Variants in N4BP2 observed in about 807,000 individuals in gnomAD.
N4BP2 encodes the protein NEDD4 binding protein 2, also known as NEDD4-binding protein 2.
A neutral mutation model predicts 152.8 loss-of-function variants in N4BP2; 91 were observed. The observed-to-expected ratio is 0.60, with a 90% CI of 0.50 to 0.71. The LOEUF (loss-of-function observed/expected upper bound fraction) is 0.71, where lower values mean the gene tolerates loss of function less well. Among genes scored for constraint, N4BP2 ranks in the 30% least tolerant of loss-of-function variants. N4BP2 has a pLI of 0.00. For synonymous variants in N4BP2, 646 were observed against 705.3 expected (o/e 0.92, Z 1.33); for missense variants, 1,923 against 2,059.1 (o/e 0.93, Z 1.28).
At chr4:40,080,917 C>T (rs1713301543) in intron 2 of N4BP2, among the ~76,000 whole-genome samples, 1 of 151,508 alleles carries the variant, frequency 6.6e-6, no homozygotes, top group South Asian at 2.1e-4. Flanking sequence ...CCGCCCACCT[C>T]AGCCTCCCAA....
At chr4:40,084,075 T>C (rs534001818) in intron 2 of N4BP2, among the ~76,000 whole-genome samples, 156 of 152,274 alleles carry the variant, frequency 1.0e-3, no homozygotes, top group Non-Finnish European at 1.9e-3. Flanking sequence ...CTCAGCCTCC[T>C]GAGTAGCTGG....
chr4:40,168,267 C>T, the N4BP2 span, among the ~76,000 whole-genome samples: 1 of 152,048 alleles, frequency 6.6e-6, no homozygotes. Flanking sequence ...CCCAATTTTC[C>T]TATCAACAGA....
the N4BP2 span, among the ~76,000 whole-genome samples, chr4:40,179,242 C>T: frequency 9.2e-5 from 14 of 152,040 alleles, no homozygotes; most frequent in Middle Eastern, 3.4e-3. Context: ...TGGTGGCTGA[C>T]GCCTGTAGTC....
At chr4:40,058,483 G>A (rs1733398095) in intron 1 of N4BP2, among the ~76,000 whole-genome samples, 1 of 152,148 alleles carries the variant, frequency 6.6e-6, no homozygotes, top group African/African-American at 2.4e-5. Context: ...GGAAATAAAT[G>A]GCTGCTCTTT....
At chr4:40,101,889 T>C (rs1012618824) in intron 3 of N4BP2, among the ~76,000 whole-genome samples, 186 bp from the exon 4 acceptor site, 5 of 151,696 alleles carry the variant, frequency 3.3e-5, no homozygotes, top group Middle Eastern at 3.2e-3. Flanking sequence ...CATTCAGACT[T>C]TTTGCTACTA....
At chr4:40,098,660 G>GAAA (rs1715321301) in intron 3 of N4BP2, among the ~76,000 whole-genome samples, 1 of 152,184 alleles carries the variant, frequency 6.6e-6, no homozygotes, top group African/African-American at 2.4e-5. Flanking sequence ...GTTGTCAGCA[G>GAAA]TGCATGATGC....
At chr4:40,151,925 C>T (rs899915963) in intron 16 of N4BP2, among the ~76,000 whole-genome samples, 2 of 151,648 alleles carry the variant, frequency 1.3e-5, no homozygotes, top group African/African-American at 2.4e-5. Context: ...ATAAGCAGAC[C>T]GTGGAATGTT....
downstream of N4BP2, among the ~76,000 whole-genome samples, chr4:40,160,561 G>A (rs553961716): frequency 6.6e-6 from 1 of 152,294 alleles, no homozygotes; most frequent in African/African-American, 2.4e-5. Flanking sequence ...GTAGCTTAGG[G>A]GTATTGGATG....
chr4:40,116,587 C>T (rs1380336429), intron 7 of N4BP2, among the ~76,000 whole-genome samples: 1 of 152,130 alleles, frequency 6.6e-6, no homozygotes, highest in Non-Finnish European at 1.5e-5. Context: ...CTGACACTTG[C>T]CTCCCTCTCA....
intron 4 of N4BP2, among the ~76,000 whole-genome samples, chr4:40,106,064 T>C (rs1018221344): frequency 1.3e-5 from 2 of 152,166 alleles, no homozygotes; most frequent in Non-Finnish European, 2.9e-5. Flanking sequence ...TGGCACTTAA[T>C]AGATGCTACA....
At chr4:40,184,278 C>T in the N4BP2 span, among the ~76,000 whole-genome samples, 2 of 151,820 alleles carry the variant, frequency 1.3e-5, no homozygotes, top group Admixed American at 6.6e-5. Flanking sequence ...GCTGCACGGG[C>T]TAGAATGGAG....
intron 16 of N4BP2, among the ~76,000 whole-genome samples, chr4:40,145,226 G>GT (rs1720407061): frequency 6.6e-6 from 1 of 150,778 alleles, no homozygotes; most frequent in African/African-American, 2.4e-5. Context: ...TTTTTTGTTT[G>GT]TTTGTTTCTT....
chr4:40,067,720 A>G (rs1157525683), intron 1 of N4BP2, among the ~76,000 whole-genome samples: 1 of 151,856 alleles, frequency 6.6e-6, no homozygotes, highest in African/African-American at 2.4e-5. Context: ...ATTTTTTGAG[A>G]CAGAGTCTCA....
At chr4:40,103,507 G>A (rs747106713) in intron 4 of N4BP2, among the ~76,000 whole-genome samples, 10 of 152,102 alleles carry the variant, frequency 6.6e-5, no homozygotes, top group Non-Finnish European at 1.0e-4. Flanking sequence ...TAATTTGAGT[G>A]GGAGAAAGAT....
chr4:40,123,419 T>A (rs1184678546), intron 10 of N4BP2, among the ~76,000 whole-genome samples: 2 of 152,200 alleles, frequency 1.3e-5, no homozygotes, highest in Admixed American at 6.5e-5. Flanking sequence ...TTCAGTAGTT[T>A]AAGTATTTCC....
chr4:40,090,124 T>TA (rs1454272122), intron 2 of N4BP2, among the ~76,000 whole-genome samples: 1 of 152,206 alleles, frequency 6.6e-6, no homozygotes, highest in Admixed American at 6.5e-5. Flanking sequence ...CCCAGATCTA[T>TA]AATCTGTTAT....
At chr4:40,137,231 T>C (rs1193659248) in intron 14 of N4BP2, 149 bp downstream of exon 14, 2 of 668,124 alleles carry the variant, frequency 3.0e-6, no homozygotes, top group Non-Finnish European at 2.5e-6. Context: ...TGGCTTATAA[T>C]ATCTGTGCAC....
At chr4:40,185,455 T>G in the N4BP2 span, among the ~76,000 whole-genome samples, 1 of 152,182 alleles carries the variant, frequency 6.6e-6, no homozygotes, top group Non-Finnish European at 1.5e-5. Context: ...GAAATCTCAT[T>G]ATTGTATATT....
chr4:40,181,042 C>T, the N4BP2 span, among the ~76,000 whole-genome samples: 10 of 151,904 alleles, frequency 6.6e-5, no homozygotes, highest in African/African-American at 1.9e-4. Flanking sequence ...CCCAGCTACT[C>T]GGGAGGCTGA....
Sources: gnomAD v4.1 joint callset for allele counts (sites outside exome capture counted in the v4.1 genomes callset) on GRCh38, gnomAD v4.1.1 for gene constraint, MANE v1.5 for transcripts, NCBI Gene and HGNC (gene_info 2026-07-23, HGNC 2026-07-21) for gene names.